Variants in SNX4 observed in about 807,000 individuals in gnomAD.
SNX4 encodes the protein sorting nexin-4.
Under a neutral mutation model 70.8 loss-of-function variants are expected in SNX4, and 49 were observed. The ratio of observed to expected loss-of-function variants is 0.69; its 90% CI spans 0.55 to 0.88. SNX4 has a LOEUF of 0.88. Among genes scored for constraint, SNX4 ranks in the 40% least tolerant of loss-of-function variants. SNX4 has a pLI of 0.00. For missense variants in SNX4, 528 were observed against 544.8 expected (o/e 0.97, Z 0.31); for synonymous variants, 206 against 183.8 (o/e 1.12, Z -0.98).
intron 9 of SNX4, among the ~76,000 whole-genome samples, chr3:125,461,618 G>C (rs532562197): frequency 1.3e-5 from 2 of 151,942 alleles, no homozygotes; most frequent in East Asian, 3.9e-4. Context: ...AGAAAAAGTA[G>C]AGTAAATAAA....
In SNX4 at chr3:125,489,483, C is replaced by T; in HGVS notation, c.598-20G>A. 1.3e-6 allele frequency: 2 copies of T among 1,593,324 alleles called. No individual in the cohort carries two copies. On this transcript the variant is annotated intron_variant, in intron 5 of 13. Transcript: ENST00000251775. ...GTCTGCCTGGAAAAAATAATTTGTT[C>T]ACTTAATACAATTACATTTCAGGGT...
intron 7 of SNX4, among the ~76,000 whole-genome samples, chr3:125,478,073 C>CTATTAT (rs753250044): frequency 1.5e-4 from 21 of 136,178 alleles, no homozygotes; most frequent in African/African-American, 3.9e-4. Flanking sequence ...ATTATTATTA[C>CTATTAT]TATTATTATT....
At chr3:125,468,391 TG>T (rs1934083482) in intron 9 of SNX4, among the ~76,000 whole-genome samples, 1 of 152,086 alleles carries the variant, frequency 6.6e-6, no homozygotes, top group Admixed American at 6.6e-5. Flanking sequence ...TAATAGAAGT[TG>T]GAAAAAATAA....
At chr3:125,458,033 C>G (rs1933767801) in intron 10 of SNX4, among the ~76,000 whole-genome samples, 1 of 151,928 alleles carries the variant, frequency 6.6e-6, no homozygotes, top group South Asian at 2.1e-4. Context: ...TAATTACATA[C>G]ATAATGAACT....
At chr3:125,450,934 T>C (rs980003891) in intron 13 of SNX4, among the ~76,000 whole-genome samples, 3 of 152,172 alleles carry the variant, frequency 2.0e-5, no homozygotes, top group Non-Finnish European at 4.4e-5. Flanking sequence ...ATTTGGACTT[T>C]AGATGAGTGG....
intron 12 of SNX4, among the ~76,000 whole-genome samples, chr3:125,452,666 A>G (rs768997241): frequency 3.3e-5 from 5 of 152,072 alleles, no homozygotes; most frequent in Non-Finnish European, 7.4e-5. Flanking sequence ...CGCCCAGGCT[A>G]GAGTGCAGTG....
chr3:125,488,552 T>C (rs751749189), intron 6 of SNX4, among the ~76,000 whole-genome samples: 3 of 152,188 alleles, frequency 2.0e-5, no homozygotes, highest in Non-Finnish European at 4.4e-5. Flanking sequence ...AAAATATTCA[T>C]TTAGATTTTA....
chr3:125,495,275 T>TATATATATATATATACACACACACAC, intron 5 of SNX4, among the ~76,000 whole-genome samples: 14 of 83,044 alleles, frequency 1.7e-4, no homozygotes, highest in African/African-American at 4.4e-4. Context: ...TATATATATA[T>TATATATATATATATACACACACACAC]ATACACATAC....
At chr3:125,451,538 CTTGTATAAGACAGTTTTTTTATTTTCCTA>C (rs1291436887) in intron 12 of SNX4, 119 bp from the exon 13 acceptor site, 1 of 650,982 alleles carries the variant, frequency 1.5e-6, no homozygotes, top group East Asian at 2.7e-5. Context: ...AGAGTTATTG[CTTGTATAAGACAGTTTTTTTATTTTCCTA>C]AAAATTATAG....
intron 6 of SNX4, among the ~76,000 whole-genome samples, chr3:125,483,170 T>C (rs1221419220): frequency 6.7e-6 from 1 of 149,976 alleles, no homozygotes; most frequent in Non-Finnish European, 1.5e-5. Flanking sequence ...ATGTATTTTA[T>C]ATAAATATAT....
intron 9 of SNX4, among the ~76,000 whole-genome samples, chr3:125,467,155 G>A (rs867762713): frequency 6.6e-6 from 1 of 150,660 alleles, no homozygotes; most frequent in South Asian, 2.1e-4. Context: ...GGGAGGCTGA[G>A]TTGGGCAGAT....
intron 6 of SNX4, among the ~76,000 whole-genome samples, chr3:125,486,500 C>T (rs1934537226): frequency 6.6e-6 from 1 of 151,974 alleles, no homozygotes; most frequent in Non-Finnish European, 1.5e-5. Flanking sequence ...GTGGCGGGTG[C>T]CTATAGTCCC....
At chr3:125,475,417 T>C (rs753410496) in intron 8 of SNX4, among the ~76,000 whole-genome samples, 21 of 152,074 alleles carry the variant, frequency 1.4e-4, no homozygotes, top group Non-Finnish European at 2.8e-4. Context: ...CAGGCTGGAG[T>C]GCACTGGTGT....
intron 8 of SNX4, among the ~76,000 whole-genome samples, chr3:125,475,631 C>T (rs1446922888): frequency 6.6e-6 from 1 of 152,202 alleles, no homozygotes; most frequent in East Asian, 1.9e-4. Flanking sequence ...TCCCAAAGTG[C>T]TGGGATTATA....
At chr3:125,467,056 C>G (rs144262082) in intron 9 of SNX4, among the ~76,000 whole-genome samples, 1,878 of 140,514 alleles carry the variant, frequency 0.013, 38 homozygotes, top group African/African-American at 0.039. Flanking sequence ...GCATTCCAGC[C>G]TGGGTGAAAG....
At chr3:125,459,564 G>A (rs537431118) in intron 10 of SNX4, among the ~76,000 whole-genome samples, 59 of 152,160 alleles carry the variant, frequency 3.9e-4, no homozygotes, top group Non-Finnish European at 4.1e-4. Context: ...AGCCTCTCCA[G>A]CAGCTGGGAT....
chr3:125,507,567 A>G (rs1286143544), intron 1 of SNX4, among the ~76,000 whole-genome samples: 1 of 152,170 alleles, frequency 6.6e-6, no homozygotes, highest in East Asian at 1.9e-4. Context: ...TCCAAATAAG[A>G]TGTTTACTGA....
At chr3:125,512,516 A>G (rs1935191498) in intron 1 of SNX4, among the ~76,000 whole-genome samples, 2 of 152,238 alleles carry the variant, frequency 1.3e-5, no homozygotes, top group South Asian at 4.1e-4. Flanking sequence ...TGTCAGTAGT[A>G]AAGTACAGAA....
At chr3:125,476,296 G>A (rs1934287326) in intron 8 of SNX4, among the ~76,000 whole-genome samples, 1 of 150,624 alleles carries the variant, frequency 6.6e-6, no homozygotes, top group South Asian at 2.1e-4. Context: ...AAAGGGCTGG[G>A]TGCAGTGGCT....
Sources: allele counts gnomAD v4.1 joint callset (sites outside exome capture counted in the v4.1 genomes callset), GRCh38; gene constraint gnomAD v4.1.1; transcripts MANE v1.5; gene names NCBI Gene and HGNC (gene_info 2026-07-23, HGNC 2026-07-21).